Variants in JAK3 observed in about 807,000 individuals in gnomAD.
The protein encoded by JAK3 is Janus kinase 3.
Under a neutral mutation model 120.8 loss-of-function variants are expected in JAK3, and 88 were observed. That is an observed-to-expected ratio of 0.73 (90% confidence interval 0.61 to 0.87). JAK3 has a LOEUF of 0.87. JAK3 is among the 40% of genes least tolerant of loss of function. The pLI is 0.00. For synonymous variants in JAK3, 592 were observed against 628.6 expected (o/e 0.94, Z 0.87); for missense variants, 1,254 against 1,501.4 (o/e 0.84, Z 2.72).
rs55666418 is a variant in JAK3 at position 17,838,271 on chromosome 19, G to C, written c.1561C>G (p.Leu521Val). The C allele has an allele frequency of 6.4e-5, 103 of 1,613,992 alleles. No individual in the cohort carries two copies. The highest frequency in any genetic ancestry group is 8.2e-5 in the Non-Finnish European group (97 of 1,180,024). The change falls in exon 11 of 24, where the codon CTG (leucine) becomes GTG (valine). Residue 521 changes from leucine to valine, a missense_variant. Leu to Val is a conservative substitution (Grantham distance 32). Around this residue, in one of 3 missense-constraint regions of JAK3, gnomAD observed 630 missense variants for 819.8 expected, o/e 0.77. Coordinates refer to ENST00000458235, the MANE Select transcript of JAK3 (RefSeq NM_000215.4). ...MTFHKIPADS[L>V]EWHENLGHGS... ...TTCCCAGGGCCTCTTACCCACTCCA[G>C]GCTGTCAGCAGGGATCTTGTGAAAT... is the stretch of plus-strand genomic sequence containing the variant.
In JAK3 at chr19:17,831,263, G is replaced by C. The variant is rs1446472008; in HGVS notation, c.2943C>G (p.Tyr981Ter). The C allele has an allele frequency of 6.2e-7, 1 of 1,612,496 alleles. No homozygotes were observed. Among genetic ancestry groups the C allele is most frequent in the Non-Finnish European group, 8.5e-7 (1 of 1,179,784 alleles). ...GGCTCTGGCCTGGCTCGCGGACCAC[G>C]TAGTAGTCTTTGTCAAGCGGCAGCA... ...AKLLPLDKDY[Y>*]VVREPGQSPI... The change falls in exon 21 of 24, where the codon TAC (tyrosine) becomes TAG (stop). Residue 981 changes from tyrosine (Y) to a stop codon, truncating the protein, a stop_gained. Coordinates refer to ENST00000458235, the MANE Select transcript of JAK3 (RefSeq NM_000215.4). LOFTEE classifies it high-confidence loss of function. The surrounding 1 kb of genome is among the most constrained non-coding windows in gnomAD (Gnocchi z 5.1).
In JAK3 at chr19:17,841,724, G is replaced by T; in HGVS notation, c.900C>A (p.Asp300Glu). Residue 300 changes from aspartate to glutamate, a missense_variant, in exon 7 of 24, where the codon GAC (aspartate) becomes GAA (glutamate). Asp to Glu is a conservative substitution (Grantham distance 45, BLOSUM62 2). Transcript: ENST00000458235. This position sits in a 1 kb window ranked among gnomAD's most constrained non-coding sequence, Gnocchi z 4.1. ...QPFCDFPEIV[D>E]ISIKQAPRVG... Reference sequence around the variant, plus strand: ...CGCGCGGGGCCTGCTTGATGCTAATGTCTACGATTTCTGGAAAGTCGCAGA... The same window carrying T: ...CGCGCGGGGCCTGCTTGATGCTAATTTCTACGATTTCTGGAAAGTCGCAGA... 1 of 1,612,156 alleles carries T rather than the reference G, an allele frequency of 6.2e-7. No individual in the cohort carries two copies. The highest frequency in any genetic ancestry group is 8.5e-7 in the Non-Finnish European group (1 of 1,179,984).
At chr19:17,840,926 T>C (rs1198221999) in intron 8 of JAK3, among the ~76,000 whole-genome samples, 3 of 151,824 alleles carry the variant, frequency 2.0e-5, no homozygotes, top group African/African-American at 7.3e-5. Flanking sequence ...CAAGTGATCC[T>C]CCTGCCTCAG....
chr19:17,840,501 C>T (rs535583385), intron 8 of JAK3, among the ~76,000 whole-genome samples, 160 bp from the exon 9 acceptor site: 1 of 152,228 alleles, frequency 6.6e-6, no homozygotes, highest in South Asian at 2.1e-4. Flanking sequence ...CCGTGGCTCA[C>T]GCCTGTAATC....
At position 17,831,412 on chromosome 19, in the gene JAK3, C is replaced by A; in HGVS notation, c.2806-12G>T. ...AGGTACTCCATGCCCTGCGGGCGGG[C>A]GGTGTGAGCGTGCAGAGAGGATCCC... On this transcript the variant is annotated splice_polypyrimidine_tract_variant and intron_variant, in intron 20 of 23. Coordinates refer to ENST00000458235, the MANE Select transcript of JAK3 (RefSeq NM_000215.4). This position sits in a 1 kb window ranked among gnomAD's most constrained non-coding sequence, Gnocchi z 5.1. 1.2e-6 allele frequency: 2 copies of A among 1,601,242 alleles called. No individual in the cohort carries two copies. The highest frequency in any genetic ancestry group is 8.5e-7 in the Non-Finnish European group (1 of 1,179,622).
chr19:17,838,058 C>T lies in JAK3; in HGVS notation c.1575G>A (p.Glu525=). 1 of 1,614,148 alleles carries T rather than the reference C, an allele frequency of 6.2e-7. No homozygotes were observed. Among genetic ancestry groups the T allele is most frequent in the Non-Finnish European group, 8.5e-7 (1 of 1,180,042 alleles). ...KIPADSLEWH[E]NLGHGSFTKI... ...TGGTGAAGGACCCATGGCCCAGGTT[C>T]TCATGCTGAATGGTGAGGGGACAGC... Residue 525 remains glutamate, a synonymous_variant, in exon 12 of 24, where the codon GAG becomes GAA. Coordinates refer to ENST00000458235, the MANE Select transcript of JAK3 (RefSeq NM_000215.4).
At chr19:17,834,153 G>C (rs1259377464) in intron 17 of JAK3, among the ~76,000 whole-genome samples, 1 of 152,084 alleles carries the variant, frequency 6.6e-6, no homozygotes, top group Non-Finnish European at 1.5e-5. Context: ...TTCGAGACCA[G>C]CCTAGCCAAT....
chr19:17,836,445 G>A (rs1352618331), intron 13 of JAK3, among the ~76,000 whole-genome samples: 2 of 152,138 alleles, frequency 1.3e-5, no homozygotes, highest in African/African-American at 4.8e-5. Context: ...ACCACACCCG[G>A]CTGATTTTGT....
In JAK3 at chr19:17,839,215, G is replaced by T. The variant is rs587777948; in HGVS notation, c.1441+262C>A. 4.9e-6 allele frequency: 3 copies of T among 618,432 alleles called. No homozygotes were observed. Among genetic ancestry groups the T allele is most frequent in the Non-Finnish European group, 9.0e-6 (3 of 332,600 alleles). The allele number at this position is 618,432 out of a possible 1,614,324, so 38.3% of individuals were successfully genotyped here. A position where few individuals can be genotyped will look rare whatever the true frequency, so the allele number is the denominator to read the frequency against. On this transcript the variant is annotated intron_variant, in intron 10 of 23. Transcript: ENST00000458235. ...TGTCCCATCAGAGGGGTTTGTCCAGGAGTGAAATTCACCCAGAGGAAGAGC... is the reference window on the plus strand; with the variant it reads ...TGTCCCATCAGAGGGGTTTGTCCAGTAGTGAAATTCACCCAGAGGAAGAGC...
chr19:17,831,816 T>C lies in JAK3; in HGVS notation c.2681-18A>G, dbSNP rs1305271328. On this transcript the variant is annotated intron_variant, in intron 19 of 23. Transcript: ENST00000458235. This position sits in a 1 kb window ranked among gnomAD's most constrained non-coding sequence, Gnocchi z 5.1. ...CTGGCGGCCTGGAGAAGGCAGGATC[T>C]GTCACAGCAGGGCCCAGCCCTGCTC... The C allele has an allele frequency of 6.2e-7, 1 of 1,612,424 alleles. No individual in the cohort carries two copies. The highest frequency in any genetic ancestry group is 1.3e-5 in the African/African-American group (1 of 74,936).
intron 1 of JAK3, among the ~76,000 whole-genome samples, chr19:17,847,011 C>A (rs1395773170): frequency 6.6e-6 from 1 of 152,168 alleles, no homozygotes; most frequent in Non-Finnish European, 1.5e-5. Context: ...GATTCTCCTG[C>A]CTCAGCCTCC....
At chr19:17,837,493 G>A (rs2094227094) in intron 12 of JAK3, among the ~76,000 whole-genome samples, 1 of 152,160 alleles carries the variant, frequency 6.6e-6, no homozygotes, top group African/African-American at 2.4e-5. Flanking sequence ...TTGACTCACT[G>A]CAACCTCCGC....
intron 21 of JAK3, 106 bp from the exon 22 acceptor site, chr19:17,830,726 G>C (rs567563811): frequency 1.5e-4 from 130 of 854,186 alleles, no homozygotes; most frequent in Admixed American, 8.8e-4. Flanking sequence ...ACTGTGAGCA[G>C]GTCAGTCCCG....
chr19:17,835,376 C>A (rs1229115078), intron 14 of JAK3, among the ~76,000 whole-genome samples, 161 bp from the exon 15 acceptor site: 1 of 152,184 alleles, frequency 6.6e-6, no homozygotes, highest in Non-Finnish European at 1.5e-5. Flanking sequence ...TCTAGTTCAC[C>A]CCCTACACTG....
intron 10 of JAK3, 155 bp downstream of exon 10, chr19:17,839,322 T>A: frequency 2.7e-6 from 2 of 746,972 alleles, no homozygotes; most frequent in South Asian, 3.0e-5. Flanking sequence ...AAAGGTTATA[T>A]ATCTCTAACT....
chr19:17,843,543 G>A lies in JAK3; in HGVS notation c.309-52C>T. On this transcript the variant is annotated intron_variant, in intron 3 of 23. Coordinates refer to ENST00000458235, the MANE Select transcript of JAK3 (RefSeq NM_000215.4). This position sits in a 1 kb window ranked among gnomAD's most constrained non-coding sequence, Gnocchi z 5.4. ...ATGAAAGTGCAACCCAGCCTCAGTA[G>A]GAGTGACATTATGGTGGGGGCGAGG... 1 of 1,340,344 alleles carries A rather than the reference G, an allele frequency of 7.5e-7. No homozygotes were observed. The highest frequency in any genetic ancestry group is 1.1e-6 in the Non-Finnish European group (1 of 948,756). The allele number at this position is 1,340,344 out of a possible 1,614,324, so 83.0% of individuals were successfully genotyped here.
chr19:17,831,084 G>A lies in JAK3; in HGVS notation c.2978+144C>T, dbSNP rs1182818214. 1.8e-5 allele frequency: 14 copies of A among 779,136 alleles called. No individual in the cohort carries two copies. Among genetic ancestry groups the A allele is most frequent in the East Asian group, 2.7e-5 (1 of 36,924 alleles). 48.3% of individuals were successfully genotyped at this position (779,136 alleles called of 1,614,324 possible). ...GTGCTGTTGAGGGGGCGGGGCTCTG[G>A]GGAGTGGGAGGGGCCAAAGCTGCAG... On this transcript the variant is annotated intron_variant, in intron 21 of 23. Coordinates refer to ENST00000458235, the MANE Select transcript of JAK3 (RefSeq NM_000215.4). The surrounding 1 kb of genome is among the most constrained non-coding windows in gnomAD (Gnocchi z 5.1).
chr19:17,840,230 C>G lies in JAK3; in HGVS notation c.1254G>C (p.Gln418His), dbSNP rs2094234761. ...FDSFLLTVCV[Q>H]NPLGPDYKGC... ...CTACCCACCCTAGCAGTAGACCGACCTGGACACAGACAGTGAGGAGGAAGC... is the reference window on the plus strand; with the variant it reads ...CTACCCACCCTAGCAGTAGACCGACGTGGACACAGACAGTGAGGAGGAAGC... The change falls in exon 9 of 24, where the codon CAG (glutamine) becomes CAC (histidine). Residue 418 changes from glutamine to histidine, a missense_variant and splice_region_variant. By Grantham distance (24) the Gln-to-His change is conservative. This residue lies in a region of JAK3 where 486 missense variants were observed against 503.0 expected (regional missense o/e 0.97). Coordinates refer to ENST00000458235, the MANE Select transcript of JAK3 (RefSeq NM_000215.4). 2 of 1,611,546 alleles carry G rather than the reference C, an allele frequency of 1.2e-6. No individual in the cohort carries two copies. Among genetic ancestry groups the G allele is most frequent in the Non-Finnish European group, 1.7e-6 (2 of 1,177,874 alleles).
At position 17,832,211 on chromosome 19, in the gene JAK3, G is replaced by A. The variant is rs900426782; in HGVS notation, c.2680+308C>T. Among the ~76,000 whole-genome samples, 9 of 152,154 alleles carry A rather than the reference G, an allele frequency of 5.9e-5. No homozygotes were observed. Among genetic ancestry groups the A allele is most frequent in the Non-Finnish European group, 8.8e-5 (6 of 68,022 alleles). On this transcript the variant is annotated intron_variant, in intron 19 of 23. Coordinates refer to ENST00000458235, the MANE Select transcript of JAK3 (RefSeq NM_000215.4). This position sits in a 1 kb window ranked among gnomAD's most constrained non-coding sequence, Gnocchi z 4.7. ...TGGAAGGCAGAGGTTGCAGTGAGCC[G>A]AGATTGAGCCACTGCCTCCAGCCTG... is the stretch of plus-strand genomic sequence containing the variant.
Sources: gnomAD v4.1 joint callset for allele counts (sites outside exome capture counted in the v4.1 genomes callset) on GRCh38, gnomAD v4.1.1 for gene constraint, gnomAD v4.1.1 regional missense constraint, Gnocchi (gnomAD v3.1) non-coding constraint, MANE v1.5 for transcripts, NCBI Gene and HGNC (gene_info 2026-07-23, HGNC 2026-07-21) for gene names.